The following IMPG1 variants were observed in gnomAD, a reference collection of about 807,000 sequenced individuals.
IMPG1 encodes interphotoreceptor matrix proteoglycan 1, also known as interphotoreceptor matrix proteoglycan of 150 kDa.
In IMPG1, 85 loss-of-function variants were observed where a neutral mutation model predicts 92.0. The observed-to-expected ratio is 0.92, with a 90% CI of 0.78 to 1.11. The LOEUF is 1.11. Ranked by LOEUF, IMPG1 falls within the 50% of genes least tolerant of loss-of-function variation. IMPG1 has a pLI of 0.00. For synonymous variants in IMPG1, 367 were observed against 334.1 expected, an observed-to-expected ratio of 1.10 and a Z score of -1.08; for missense variants, 1,022 against 956.0, an observed-to-expected ratio of 1.07 and a Z score of -0.91.
intron 4 of IMPG1, among the ~76,000 whole-genome samples, chr6:76,027,479 G>T (rs1783568421): frequency 6.6e-6 from 1 of 152,194 alleles, no homozygotes. Context: ...CATGTAAGGG[G>T]TGTAAGAATA....
chr6:76,057,740 G>A (rs957678945), intron 1 of IMPG1, among the ~76,000 whole-genome samples: 2 of 152,012 alleles, frequency 1.3e-5, no homozygotes, highest in Admixed American at 1.3e-4. Context: ...CAATGCTAAT[G>A]TTATGTTAAT....
In IMPG1 at chr6:75,950,748, GA is replaced by G; in HGVS notation, c.1637del (p.Phe546SerfsTer19). The G allele has an allele frequency of 6.2e-7, 1 of 1,613,952 alleles. No homozygotes were observed. The highest frequency in any genetic ancestry group is 8.5e-7 in the Non-Finnish European group (1 of 1,179,896). On this transcript the variant is annotated frameshift_variant, in exon 13 of 17. Coordinates refer to ENST00000369950, the MANE Select transcript of IMPG1 (RefSeq NM_001563.4). LOFTEE classifies it high-confidence loss of function. ...CTGAGACAGGAGTGGTATCCTCCAAGAAATGATCTGGGACAGAAACATATTC... is the reference window on the plus strand; with the variant it reads ...CTGAGACAGGAGTGGTATCCTCCAAGAATGATCTGGGACAGAAACATATTC... ...LSEYVSVPDH[F>X]LEDTTPVSAL... is the part of the protein sequence containing the mutation.
At chr6:76,049,549 T>G (rs1472733499) in intron 1 of IMPG1, among the ~76,000 whole-genome samples, 1 of 152,164 alleles carries the variant, frequency 6.6e-6, no homozygotes, top group Non-Finnish European at 1.5e-5. Context: ...ATTCAATGTG[T>G]GGATATGACA....
chr6:76,034,694 TG>T lies in IMPG1; in HGVS notation c.394del (p.Gln132ArgfsTer27). 6.2e-7 allele frequency: 1 copy of T among 1,614,186 alleles called. No homozygotes were observed. Reference sequence around the variant, plus strand: ...AATGTCAAAGAGGCAGAAGGTCTCCTGCTGGCAGATGCTGACCCAGTCCTGA... The same window carrying T: ...AATGTCAAAGAGGCAGAAGGTCTCCTCTGGCAGATGCTGACCCAGTCCTGA... ...EYQDWVSICQ[Q>X]ETFCLFDIGK... On this transcript the variant is annotated frameshift_variant, in exon 3 of 17. Transcript: ENST00000369950. LOFTEE classifies it high-confidence loss of function.
At chr6:76,036,106 T>A (rs2149488563) in intron 2 of IMPG1, among the ~76,000 whole-genome samples, 1 of 152,306 alleles carries the variant, frequency 6.6e-6, no homozygotes, top group African/African-American at 2.4e-5. Flanking sequence ...TCTCAACACC[T>A]AACTGAAACT....
intron 14 of IMPG1, among the ~76,000 whole-genome samples, chr6:75,942,443 C>A (rs1358591006): frequency 6.6e-6 from 1 of 152,180 alleles, no homozygotes; most frequent in East Asian, 1.9e-4. Context: ...TTACTACATG[C>A]TGGAGGATGG....
chr6:76,048,225 A>T (rs983696353), intron 1 of IMPG1, among the ~76,000 whole-genome samples: 6 of 152,212 alleles, frequency 3.9e-5, no homozygotes, highest in African/African-American at 1.4e-4. Flanking sequence ...AAAAACAAGC[A>T]TTAGAACACA....
intron 6 of IMPG1, among the ~76,000 whole-genome samples, 182 bp downstream of exon 6, chr6:76,021,934 C>G (rs1000358094): frequency 6.6e-6 from 1 of 151,256 alleles, no homozygotes; most frequent in Admixed American, 6.6e-5. Flanking sequence ...TATGCTTCCC[C>G]CCTCAGTACC....
intron 1 of IMPG1, among the ~76,000 whole-genome samples, chr6:76,042,486 A>G (rs1384946210): frequency 6.6e-6 from 1 of 152,064 alleles, no homozygotes; most frequent in African/African-American, 2.4e-5. Flanking sequence ...TCAAGCAGGG[A>G]ACGATATAGC....
intron 12 of IMPG1, among the ~76,000 whole-genome samples, chr6:75,997,218 C>T (rs944323733): frequency 6.6e-6 from 1 of 152,002 alleles, no homozygotes; most frequent in Non-Finnish European, 1.5e-5. Flanking sequence ...TCTTGTAGAC[C>T]TCTCTGAATA....
At chr6:76,034,219 T>C (rs933922287) in intron 4 of IMPG1, 96 bp downstream of exon 4, 7 of 1,174,388 alleles carry the variant, frequency 6.0e-6, no homozygotes, top group Non-Finnish European at 8.8e-6. Context: ...GTGGCTGACA[T>C]AAAATCCTAC....
chr6:76,015,800 C>CAAAAAA (rs35389302), intron 7 of IMPG1, among the ~76,000 whole-genome samples: 7 of 66,736 alleles, frequency 1.0e-4, no homozygotes, highest in East Asian at 4.2e-4. Flanking sequence ...AACTCTGTCT[C>CAAAAAA]AAAAAAAAAA....
At chr6:76,007,409 G>T in intron 9 of IMPG1, 71 bp downstream of exon 9, 1 of 1,141,612 alleles carries the variant, frequency 8.8e-7, no homozygotes, top group Non-Finnish European at 1.3e-6. Flanking sequence ...AAAATTATTT[G>T]TGCAAAATCA....
At chr6:75,924,444 A>ATAATATATAATTAATATAATT (rs1781486410) in intron 15 of IMPG1, among the ~76,000 whole-genome samples, 1 of 111,186 alleles carries the variant, frequency 9.0e-6, no homozygotes, top group Admixed American at 1.4e-4. Context: ...ATAATTATAT[A>ATAATATATAATTAATATAATT]ATATAACATA....
intron 12 of IMPG1, among the ~76,000 whole-genome samples, chr6:75,979,324 G>T (rs953910304): frequency 6.6e-5 from 10 of 152,316 alleles, no homozygotes; most frequent in African/African-American, 2.4e-4. Flanking sequence ...TTGGCAAGGT[G>T]CTACAGCCAA....
chr6:75,924,490 T>C (rs1781489537), intron 15 of IMPG1, among the ~76,000 whole-genome samples: 1 of 81,854 alleles, frequency 1.2e-5, no homozygotes. Context: ...TATTATAATA[T>C]AATATAATTA....
intron 10 of IMPG1, among the ~76,000 whole-genome samples, chr6:76,004,484 A>G (rs1203578599): frequency 2.6e-5 from 4 of 152,170 alleles, no homozygotes; most frequent in Non-Finnish European, 4.4e-5. Context: ...AGAGACCTTT[A>G]TGAAGTTTTC....
chr6:76,042,173 T>TCACA, intron 1 of IMPG1, 47 bp from the exon 2 acceptor site: 1 of 969,132 alleles, frequency 1.0e-6, no homozygotes, highest in Non-Finnish European at 1.7e-6. Flanking sequence ...CATTTATGTG[T>TCACA]TATATGTGAC....
chr6:76,042,001 T>G lies in IMPG1; in HGVS notation c.193A>C (p.Lys65Gln). The G allele has an allele frequency of 6.2e-7, 1 of 1,613,678 alleles. No homozygotes were observed. Among genetic ancestry groups the G allele is most frequent in the Non-Finnish European group, 8.5e-7 (1 of 1,179,566 alleles). The change falls in exon 2 of 17, where the codon AAG becomes CAG. Residue 65 changes from lysine to glutamine, a missense_variant. Lys to Gln is a moderately conservative substitution (Grantham distance 53). This residue lies in a region of IMPG1 where 681 missense variants were observed against 583.6 expected (regional missense o/e 1.17). Transcript: ENST00000369950. The part of the protein sequence containing the change: ...STMRRIFDLA[K>Q]HRTKRSAFFP... The stretch of plus-strand genomic sequence containing the variant: ...AATGCGGATCTTTTTGTTCGATGCT[T>G]TGCCAAATCGAATATTCGTCTCATA...
Sources: allele counts gnomAD v4.1 joint callset (sites outside exome capture counted in the v4.1 genomes callset), GRCh38; gene constraint gnomAD v4.1.1; regional missense constraint gnomAD v4.1.1; transcripts MANE v1.5; gene names NCBI Gene and HGNC (gene_info 2026-07-23, HGNC 2026-07-21).